ESYT2: variants seen among roughly 807,000 people sequenced by gnomAD.
The protein encoded by ESYT2 is extended synaptotagmin-2.
In ESYT2, 54 loss-of-function variants were observed where a neutral mutation model predicts 107.2. The ratio of observed to expected loss-of-function variants is 0.50; its 90% CI spans 0.40 to 0.63. The LOEUF (loss-of-function observed/expected upper bound fraction) is 0.63. Ranked by LOEUF, ESYT2 falls within the 30% of genes least tolerant of loss-of-function variation. The pLI, the probability that ESYT2 is intolerant of heterozygous loss-of-function variation, is 0.00. For synonymous variants in ESYT2, 491 were observed against 434.1 expected (o/e 1.13, Z -1.63); for missense variants, 1,020 against 1,094.5 (o/e 0.93, Z 0.96).
At chr7:158,816,901 C>T (rs1840161978) in intron 1 of ESYT2, among the ~76,000 whole-genome samples, 1 of 152,190 alleles carries the variant, frequency 6.6e-6, no homozygotes, top group Non-Finnish European at 1.5e-5. Context: ...AAGTCTAGCA[C>T]TCAGATATTA....
chr7:158,776,659 G>T (rs550588987), intron 6 of ESYT2, among the ~76,000 whole-genome samples: 1 of 152,296 alleles, frequency 6.6e-6, no homozygotes, highest in Admixed American at 6.5e-5. Context: ...ATCTCTCCAG[G>T]CACTAAAACT....
At chr7:158,746,579 A>G (rs996969706) in intron 16 of ESYT2, among the ~76,000 whole-genome samples, 5 of 152,172 alleles carry the variant, frequency 3.3e-5, no homozygotes, top group Admixed American at 6.5e-5. Flanking sequence ...ATAAAGACAG[A>G]CATATAGAAC....
intron 6 of ESYT2, among the ~76,000 whole-genome samples, chr7:158,785,890 T>A (rs974846870): frequency 6.6e-6 from 1 of 152,126 alleles, no homozygotes; most frequent in African/African-American, 2.4e-5. Flanking sequence ...TTCGTAAGGG[T>A]TTCTAAATCA....
Position 158,764,934 on chromosome 7 carries a change from C to T in ESYT2, c.925-81G>A, listed in dbSNP as rs866134010. 8 of 1,396,350 alleles carry T rather than the reference C, an allele frequency of 5.7e-6. No individual in the cohort carries two copies. In the Middle Eastern group the frequency reaches 5.5e-4, roughly 97 times the overall value. The allele number at this position is 1,396,350 out of a possible 1,614,324, so 86.5% of individuals were successfully genotyped here. ...TGGAAGATAGCTACGCACCTAACCC[C>T]GTCTCGAGAATTGGGAGTGCCGAGG... On this transcript the variant is annotated intron_variant, in intron 8 of 22. Transcript: ENST00000275418.
intron 13 of ESYT2, among the ~76,000 whole-genome samples, chr7:158,757,230 A>G (rs1433865674): frequency 6.6e-6 from 1 of 152,224 alleles, no homozygotes; most frequent in African/African-American, 2.4e-5. Flanking sequence ...AAATAAAAGC[A>G]TGCAACATCA....
chr7:158,754,031 C>T (rs1396493317), intron 13 of ESYT2, among the ~76,000 whole-genome samples: 2 of 151,976 alleles, frequency 1.3e-5, no homozygotes, highest in African/African-American at 4.8e-5. Flanking sequence ...GCAGGAGAAG[C>T]TGTGTAAGGT....
chr7:158,741,838 T>A lies in ESYT2; in HGVS notation c.1853A>T (p.Lys618Ile). Residue 618 changes from lysine to isoleucine, a missense_variant, in exon 18 of 23, where the codon AAA (lysine) becomes ATA (isoleucine). Lys to Ile is a moderately radical substitution (Grantham distance 102, BLOSUM62 -3). Transcript: ENST00000275418. ...CCCCTCTTTGGACACAGAGGGACGT[T>A]TGACTTGAGCTGAGTGTTGGTGGTC... is the stretch of plus-strand genomic sequence containing the variant. ...PPDHQHSAQV[K>I]RPSVSKEGRK... 1 of 1,613,930 alleles carries A rather than the reference T, an allele frequency of 6.2e-7. No homozygotes were observed. The highest frequency in any genetic ancestry group is 8.5e-7 in the Non-Finnish European group (1 of 1,179,926).
intron 8 of ESYT2, among the ~76,000 whole-genome samples, chr7:158,766,418 T>G (rs536408418): frequency 5.9e-5 from 9 of 152,282 alleles, no homozygotes; most frequent in African/African-American, 1.9e-4. Flanking sequence ...TGCAGAGGAT[T>G]TCTACAAGTA....
Position 158,825,960 on chromosome 7 carries a change from G to A in ESYT2, c.330+3129C>T, listed in dbSNP as rs71547573. Among the ~76,000 whole-genome samples, 756 of 151,784 alleles carry A rather than the reference G, an allele frequency of 5.0e-3. 4 individuals carry two copies. Among genetic ancestry groups the A allele is most frequent in the Non-Finnish European group, 7.4e-3 (505 of 67,970 alleles). On this transcript the variant is annotated intron_variant, in intron 1 of 22. Coordinates refer to ENST00000275418, the MANE Select transcript of ESYT2 (RefSeq NM_001367773.1). Reference sequence around the variant, plus strand: ...CACACTTTAGGAAGTCTAAGTGGGAGGATGCCTCGAGGCCAAAAGTTTGAG... The same window carrying A: ...CACACTTTAGGAAGTCTAAGTGGGAAGATGCCTCGAGGCCAAAAGTTTGAG...
intron 3 of ESYT2, among the ~76,000 whole-genome samples, chr7:158,794,068 G>A (rs1012478778): frequency 6.6e-6 from 1 of 152,206 alleles, no homozygotes; most frequent in African/African-American, 2.4e-5. Flanking sequence ...ATACGTATGT[G>A]CTCTTTTCAA....
At chr7:158,773,102 C>T (rs1041378882) in intron 7 of ESYT2, among the ~76,000 whole-genome samples, 5 of 152,164 alleles carry the variant, frequency 3.3e-5, no homozygotes, top group African/African-American at 9.7e-5. Context: ...CAAATGAAGA[C>T]TGCGTCCTCA....
At chr7:158,741,987 ATTTC>A (rs1563618603) in intron 17 of ESYT2, 91 bp from the exon 18 acceptor site, 2 of 1,423,868 alleles carry the variant, frequency 1.4e-6, no homozygotes, top group Non-Finnish European at 1.9e-6. Flanking sequence ...ACCTGCAAAA[ATTTC>A]TTTAAAACTT....
intron 1 of ESYT2, among the ~76,000 whole-genome samples, chr7:158,828,336 G>A (rs1025314129): frequency 2.0e-5 from 3 of 152,262 alleles, no homozygotes; most frequent in African/African-American, 7.2e-5. Context: ...CAGGCCGGCA[G>A]GGCTTTGGGA....
At chr7:158,807,186 G>T (rs1300538681) in intron 1 of ESYT2, among the ~76,000 whole-genome samples, 1 of 143,104 alleles carries the variant, frequency 7.0e-6, no homozygotes, top group African/African-American at 2.6e-5. Flanking sequence ...GGGAGGCAGG[G>T]TTTGTAGCGA....
chr7:158,748,342 ATG>A, intron 15 of ESYT2, 62 bp from the exon 16 acceptor site: 2 of 1,278,968 alleles, frequency 1.6e-6, no homozygotes, highest in Non-Finnish European at 2.3e-6. Flanking sequence ...TACTCATTTT[ATG>A]TGTTTAGAAG....
At chr7:158,735,477 T>A (rs571006833) in intron 21 of ESYT2, 26 bp downstream of exon 21, 1 of 1,584,608 alleles carries the variant, frequency 6.3e-7, no homozygotes, top group Non-Finnish European at 8.7e-7. Context: ...CTGCAGGAAC[T>A]GGTTGAGGAT....
intron 13 of ESYT2, among the ~76,000 whole-genome samples, chr7:158,758,876 T>C (rs538305006): frequency 6.6e-6 from 1 of 152,322 alleles, no homozygotes; most frequent in East Asian, 1.9e-4. Context: ...AAACAACATT[T>C]TACATTTTTT....
rs1836986178 is a variant in ESYT2, at chr7:158,737,104, T to C, written c.2343A>G (p.Ser781=). 2 of 1,614,056 alleles carry C rather than the reference T, an allele frequency of 1.2e-6. No individual in the cohort carries two copies. The highest frequency in any genetic ancestry group is 3.3e-5 in the Admixed American group (2 of 60,014). The part of the protein sequence containing the change: ...RMYLLPDKRR[S]GRRKTHVSKK... ...TTGACACGTGTGTTTTCCTCCTTCC[T>C]GACCGCCTCTTGTCTGGTAATAAAT... The change falls in exon 20 of 23, where the codon TCA becomes TCG. Residue 781 remains serine, a synonymous_variant. Transcript: ENST00000275418.
intron 13 of ESYT2, among the ~76,000 whole-genome samples, chr7:158,758,461 G>A (rs115642815): frequency 0.015 from 2,303 of 152,298 alleles, 51 homozygotes; most frequent in African/African-American, 0.051. Flanking sequence ...CAAGAAGTGA[G>A]TTAAACGCTT....
Sources: allele counts gnomAD v4.1 joint callset (sites outside exome capture counted in the v4.1 genomes callset), GRCh38; gene constraint gnomAD v4.1.1; transcripts MANE v1.5; gene names NCBI Gene and HGNC (gene_info 2026-07-23, HGNC 2026-07-21).